CLVS1: variants seen among roughly 807,000 people sequenced by gnomAD.
The protein encoded by CLVS1 is clavesin-1.
A neutral mutation model predicts 33.1 loss-of-function variants in CLVS1; 10 were observed. That is an observed-to-expected ratio of 0.30 (90% CI 0.19 to 0.51). The LOEUF is 0.51. CLVS1 is among the 20% of genes least tolerant of loss of function. The probability of loss-of-function intolerance (pLI) is 0.97; values close to 1 mark genes in which losing one functional copy is unlikely to be tolerated. For missense variants in CLVS1, 343 were observed against 433.4 expected (o/e 0.79, Z 1.85); for synonymous variants, 163 against 166.1 (o/e 0.98, Z 0.14).
chr8:61,089,696 A>C (rs1805194029), intron 1 of CLVS1, among the ~76,000 whole-genome samples: 1 of 151,898 alleles, frequency 6.6e-6, no homozygotes, highest in Admixed American at 6.6e-5. Context: ...AGGCAGGAGA[A>C]ATGCTTGAGG....
At chr8:61,058,955 A>T (rs566445437) in intron 1 of CLVS1, among the ~76,000 whole-genome samples, 66 of 152,256 alleles carry the variant, frequency 4.3e-4, no homozygotes, top group Non-Finnish European at 8.2e-4. Flanking sequence ...TTCAATGGAC[A>T]TTTAGCTGTT....
chr8:61,112,066 T>C (rs1805637426), intron 1 of CLVS1, among the ~76,000 whole-genome samples: 1 of 152,182 alleles, frequency 6.6e-6, no homozygotes, highest in African/African-American at 2.4e-5. Flanking sequence ...ACTAAAGTTG[T>C]GAATAAGATC....
At chr8:61,133,159 C>T (rs997349294) in intron 2 of CLVS1, among the ~76,000 whole-genome samples, 2 of 152,108 alleles carry the variant, frequency 1.3e-5, no homozygotes, top group Admixed American at 6.5e-5. Flanking sequence ...ACATTACCCT[C>T]AAGGAGTTAG....
At chr8:61,303,767 T>TGTCTA (rs1163203461) in intron 2 of CLVS1, among the ~76,000 whole-genome samples, 2 of 152,226 alleles carry the variant, frequency 1.3e-5, no homozygotes, top group Non-Finnish European at 2.9e-5. Context: ...ATGAGAGTGA[T>TGTCTA]GTCTATCTAA....
chr8:61,092,810 T>A (rs1459211953), intron 1 of CLVS1, among the ~76,000 whole-genome samples: 1 of 152,230 alleles, frequency 6.6e-6, no homozygotes, highest in African/African-American at 2.4e-5. Context: ...TTAATTCCCC[T>A]TTCCCATGTG....
intron 2 of CLVS1, among the ~76,000 whole-genome samples, chr8:61,237,777 A>G (rs1237521533): frequency 6.6e-6 from 1 of 152,034 alleles, no homozygotes; most frequent in Admixed American, 6.6e-5. Context: ...CAACATGTGG[A>G]GATGGTCAGA....
chr8:61,444,434 T>A (rs1243042689), intron 3 of CLVS1, among the ~76,000 whole-genome samples: 14 of 152,236 alleles, frequency 9.2e-5, no homozygotes, highest in Admixed American at 1.3e-4. Context: ...ATTTTTAACA[T>A]GAATCAGTGT....
intron 2 of CLVS1, among the ~76,000 whole-genome samples, chr8:61,181,567 C>T (rs1807228975): frequency 6.6e-6 from 1 of 152,118 alleles, no homozygotes; most frequent in African/African-American, 2.4e-5. Context: ...CATCATGCTA[C>T]CTGACTTCAA....
In CLVS1 at chr8:61,348,300, G is replaced by A. The variant is rs369088952; in HGVS notation, c.456-28305G>A. ...GAACAATGAGAACACTTGGACACAG[G>A]AAGGGGAACATCACACACTGGGGCC... On this transcript the variant is annotated intron_variant, in intron 2 of 5. Coordinates refer to ENST00000325897, the MANE Select transcript of CLVS1 (RefSeq NM_173519.3). Among the ~76,000 whole-genome samples, 23 of 147,054 alleles carry A rather than the reference G, an allele frequency of 1.6e-4. No individual in the cohort carries two copies. The East Asian group carries it at 4.0e-3, about 25-fold the overall frequency.
the CLVS1 span, among the ~76,000 whole-genome samples, chr8:60,988,315 AG>A: frequency 1.3e-5 from 2 of 152,136 alleles, 1 homozygote; most frequent in Non-Finnish European, 2.9e-5. Flanking sequence ...TGCTGAGAAG[AG>A]GAGGTGCAGG....
At chr8:61,238,774 A>T (rs1413445546) in intron 2 of CLVS1, among the ~76,000 whole-genome samples, 3 of 152,232 alleles carry the variant, frequency 2.0e-5, no homozygotes, top group African/African-American at 7.2e-5. Flanking sequence ...TCAAATGAAG[A>T]TAATTTATTT....
intron 1 of CLVS1, among the ~76,000 whole-genome samples, chr8:61,067,050 ACCT>A (rs1469005728): frequency 1.3e-5 from 2 of 152,026 alleles, no homozygotes; most frequent in African/African-American, 2.4e-5. Context: ...ATGATGTTCA[ACCT>A]TGAAAGGAAT....
chr8:61,035,477 G>A, the CLVS1 span, among the ~76,000 whole-genome samples: 2 of 152,224 alleles, frequency 1.3e-5, no homozygotes, highest in African/African-American at 4.8e-5. Context: ...ATCCTAAAGA[G>A]TAGATGTGCA....
At chr8:61,167,608 G>C (rs11776662) in intron 2 of CLVS1, among the ~76,000 whole-genome samples, 1 of 152,202 alleles carries the variant, frequency 6.6e-6, no homozygotes, top group African/African-American at 2.4e-5. Context: ...CAGCAACTCC[G>C]TCTTGAATAG....
chr8:61,112,457 G>A (rs890415087), intron 1 of CLVS1, among the ~76,000 whole-genome samples: 1 of 152,202 alleles, frequency 6.6e-6, no homozygotes, highest in African/African-American at 2.4e-5. Context: ...GCTCTGCTAT[G>A]TTGATCAGAT....
intron 2 of CLVS1, chr8:61,203,142 A>G: frequency 1.7e-6 from 2 of 1,184,630 alleles, no homozygotes; most frequent in Non-Finnish European, 2.5e-6. Flanking sequence ...GTGGAAGCCA[A>G]GTTCATCAAT....
intron 2 of CLVS1, among the ~76,000 whole-genome samples, chr8:61,159,706 A>C (rs1308527471): frequency 6.6e-6 from 1 of 152,236 alleles, no homozygotes; most frequent in African/African-American, 2.4e-5. Flanking sequence ...GACCTAAATC[A>C]GTTAGAGAAA....
intron 3 of CLVS1, among the ~76,000 whole-genome samples, chr8:61,442,133 AATTTCATCATTTCAATAATG>A (rs2129606206): frequency 6.6e-6 from 1 of 152,284 alleles, no homozygotes; most frequent in Admixed American, 6.5e-5. Flanking sequence ...CTGTTTCTAT[AATTTCATCATTTCAATAATG>A]ATTTCATCAT....
chr8:61,271,850 T>C (rs1177141096), intron 2 of CLVS1, among the ~76,000 whole-genome samples: 2 of 150,716 alleles, frequency 1.3e-5, no homozygotes, highest in Non-Finnish European at 1.5e-5. Context: ...CTGCCTTTTT[T>C]TGTTTTCCAT....
Sources: allele counts gnomAD v4.1 joint callset (sites outside exome capture counted in the v4.1 genomes callset), GRCh38; gene constraint gnomAD v4.1.1; transcripts MANE v1.5; gene names NCBI Gene and HGNC (gene_info 2026-07-23, HGNC 2026-07-21).